CPN1: variants seen among roughly 807,000 people sequenced by gnomAD.
CPN1 encodes the protein carboxypeptidase N catalytic chain.
Under a neutral mutation model 46.4 loss-of-function variants are expected in CPN1, and 37 were observed. The observed-to-expected ratio is 0.80, with a 90% confidence interval of 0.61 to 1.05. CPN1 has a LOEUF of 1.05. CPN1 is among the 50% of genes least tolerant of loss of function. The probability of loss-of-function intolerance (pLI) is 0.00; values close to 1 mark genes in which losing one functional copy is unlikely to be tolerated. For missense variants in CPN1, 563 were observed against 602.6 expected (o/e 0.93, Z 0.69); for synonymous variants, 224 against 235.4 (o/e 0.95, Z 0.44).
Position 100,065,234 on chromosome 10 carries a change from C to G in CPN1, c.713G>C (p.Arg238Pro), listed in dbSNP as rs1227290902. The G allele has an allele frequency of 3.1e-6, 5 of 1,614,048 alleles. No homozygotes were observed. Among genetic ancestry groups the G allele is most frequent in the Non-Finnish European group, 4.2e-6 (5 of 1,179,980 alleles). ...KSFEHRVRGV[R>P]RTASTPTPDD... The stretch of plus-strand genomic sequence containing the variant: ...AGGCGTGGGGGTGCTGGCGGTGCGG[C>G]GGACCCCTCGGACCCGGTGCTCAAA... The change falls in exon 4 of 9, where the codon CGC (arginine) becomes CCC (proline). Residue 238 changes from arginine to proline, a missense_variant. Coordinates refer to ENST00000370418, the MANE Select transcript of CPN1 (RefSeq NM_001308.3).
chr10:100,045,849 AG>A (rs2041304582), intron 8 of CPN1, among the ~76,000 whole-genome samples: 1 of 152,190 alleles, frequency 6.6e-6, no homozygotes, highest in Admixed American at 6.5e-5. Flanking sequence ...TTGTGTTAAT[AG>A]GGAAAGGTGG....
In CPN1 at chr10:100,063,655, T is replaced by G. The variant is rs779517041; in HGVS notation, c.830A>C (p.Asp277Ala). ...QGWNCGDYFP[D>A]GITNGASWYS... Reference sequence around the variant, plus strand: ...CCAGGAAGCCCCATTGGTGATGCCATCTGGGAAGTAATCTCCGCAGTTCCA... The same window carrying G: ...CCAGGAAGCCCCATTGGTGATGCCAGCTGGGAAGTAATCTCCGCAGTTCCA... Residue 277 changes from aspartate to alanine, a missense_variant, in exon 5 of 9, where the codon GAT (aspartate) becomes GCT (alanine). Physicochemically the swap from Asp to Ala is moderately radical, Grantham distance 126. Coordinates refer to ENST00000370418, the MANE Select transcript of CPN1 (RefSeq NM_001308.3). 3.4e-5 allele frequency: 55 copies of G among 1,613,896 alleles called. No individual in the cohort carries two copies. Among genetic ancestry groups the G allele is most frequent in the Non-Finnish European group, 4.6e-5 (54 of 1,179,968 alleles).
intron 5 of CPN1, among the ~76,000 whole-genome samples, chr10:100,059,568 T>A (rs980156089): frequency 1.5e-4 from 22 of 144,260 alleles, no homozygotes; most frequent in Admixed American, 3.6e-4. Flanking sequence ...GATATTACCT[T>A]GAACTTATTA....
At chr10:100,060,332 C>T (rs1315413758) in intron 5 of CPN1, among the ~76,000 whole-genome samples, 4 of 152,136 alleles carry the variant, frequency 2.6e-5, no homozygotes, top group African/African-American at 4.8e-5. Flanking sequence ...GAGGCTGAGG[C>T]GGGCGGATCA....
chr10:100,079,659 A>G (rs1161926959), intron 1 of CPN1, among the ~76,000 whole-genome samples: 1 of 152,234 alleles, frequency 6.6e-6, no homozygotes, highest in Non-Finnish European at 1.5e-5. Flanking sequence ...CCTCCATGCA[A>G]TATTCTGAAT....
At chr10:100,061,104 G>T (rs1039386517) in intron 5 of CPN1, among the ~76,000 whole-genome samples, 2 of 151,944 alleles carry the variant, frequency 1.3e-5, no homozygotes, top group Non-Finnish European at 2.9e-5. Context: ...TGGGGGTGGG[G>T]AGAATGGGGA....
chr10:100,079,251 C>T (rs1039530532), intron 1 of CPN1, among the ~76,000 whole-genome samples: 3 of 152,222 alleles, frequency 2.0e-5, no homozygotes, highest in African/African-American at 2.4e-5. Context: ...CACTAGAATT[C>T]GGGCCCATGA....
At chr10:100,075,805 A>G in intron 2 of CPN1, 106 bp downstream of exon 2, 1 of 1,199,506 alleles carries the variant, frequency 8.3e-7, no homozygotes, top group Non-Finnish European at 1.2e-6. Context: ...TTTTACTTTT[A>G]ACATTTGTGA....
intron 8 of CPN1, among the ~76,000 whole-genome samples, chr10:100,044,714 T>C (rs1011087270): frequency 2.7e-4 from 37 of 138,054 alleles, no homozygotes; most frequent in Non-Finnish European, 4.4e-4. Flanking sequence ...GTAAACAATC[T>C]TTTTTTTTTT....
chr10:100,049,348 T>C (rs981199816), intron 7 of CPN1, among the ~76,000 whole-genome samples: 2 of 150,050 alleles, frequency 1.3e-5, no homozygotes, highest in African/African-American at 4.9e-5. Flanking sequence ...CTGCAACCCC[T>C]ACCTCCTGGG....
In CPN1 at chr10:100,081,524, C is replaced by T; in HGVS notation, c.102G>A (p.Thr34=). The T allele has an allele frequency of 6.2e-7, 1 of 1,614,164 alleles. No homozygotes were observed. The change falls in exon 1 of 9, where the codon ACG becomes ACA. Residue 34 remains threonine (T), a synonymous_variant. Transcript: ENST00000370418. ...GGCATTCGTTTTGCACCTTGTACAG[C>T]GTCCGCACAAGATCATCATAGCGGT... ...RHHRYDDLVR[T]LYKVQNECPG... is the part of the protein sequence containing the mutation.
At chr10:100,073,338 C>A (rs565033397) in intron 2 of CPN1, among the ~76,000 whole-genome samples, 1 of 152,292 alleles carries the variant, frequency 6.6e-6, no homozygotes, top group South Asian at 2.1e-4. Flanking sequence ...GCATAAACAG[C>A]TATGGGCATT....
At chr10:100,066,324 C>T (rs1257315914) in intron 3 of CPN1, among the ~76,000 whole-genome samples, 1 of 152,172 alleles carries the variant, frequency 6.6e-6, no homozygotes, top group East Asian at 1.9e-4. Flanking sequence ...TCTCTCTGGA[C>T]CCTAGAAAAG....
chr10:100,059,885 G>A (rs770311028), intron 5 of CPN1, among the ~76,000 whole-genome samples: 1 of 152,144 alleles, frequency 6.6e-6, no homozygotes, highest in Non-Finnish European at 1.5e-5. Context: ...TGGTATAAAC[G>A]TATAATGGAA....
rs569084235 is a variant in CPN1, at chr10:100,050,691, C to T, written c.1112-1815G>A. On this transcript the variant is annotated intron_variant, in intron 7 of 8. Coordinates refer to ENST00000370418, the MANE Select transcript of CPN1 (RefSeq NM_001308.3). ...CCAGGCTAGAGTGCAGTGGTGCTATCATAGCTCACTGCAACCTTGAACTCC... is the reference window on the plus strand; with the variant it reads ...CCAGGCTAGAGTGCAGTGGTGCTATTATAGCTCACTGCAACCTTGAACTCC... Among the ~76,000 whole-genome samples the T allele has an allele frequency of 2.6e-5, 4 of 152,278 alleles. No homozygotes were observed. In the East Asian group the frequency reaches 7.7e-4, roughly 29 times the overall value.
chr10:100,042,501 C>T lies in CPN1; in HGVS notation c.1303G>A (p.Val435Ile), dbSNP rs781375775. ...GCTTGGGGCTGCACTTTGGCTCTGA[C>T]TCCGTGCCTTCTGCTGGGAGCTCTC... is the stretch of plus-strand genomic sequence containing the variant. ...VRRAPSRRHG[V>I]RAKVQPQARK... The change falls in exon 9 of 9, where the codon GTC (valine) becomes ATC (isoleucine). Residue 435 changes from valine (V) to isoleucine (I), a missense_variant. Val to Ile is a conservative substitution (Grantham distance 29). Coordinates refer to ENST00000370418, the MANE Select transcript of CPN1 (RefSeq NM_001308.3). 1 of 1,613,972 alleles carries T rather than the reference C, an allele frequency of 6.2e-7. No individual in the cohort carries two copies. Among genetic ancestry groups the T allele is most frequent in the Admixed American group, 1.7e-5 (1 of 59,994 alleles).
intron 1 of CPN1, among the ~76,000 whole-genome samples, chr10:100,079,539 A>T (rs969779732): frequency 2.0e-5 from 3 of 152,222 alleles, no homozygotes; most frequent in African/African-American, 7.2e-5. Flanking sequence ...AACACTCACG[A>T]GCTTCCACAG....
At chr10:100,077,227 CTTTTTT>C (rs57632037) in intron 1 of CPN1, among the ~76,000 whole-genome samples, 1 of 113,744 alleles carries the variant, frequency 8.8e-6, no homozygotes, top group East Asian at 2.9e-4. Context: ...CCGGTTTTAC[CTTTTTT>C]TTTTTTTTTT....
At chr10:100,066,202 C>T (rs958522977) in intron 3 of CPN1, among the ~76,000 whole-genome samples, 4 of 152,136 alleles carry the variant, frequency 2.6e-5, no homozygotes, top group African/African-American at 7.2e-5. Context: ...GTGCCCATCT[C>T]CACCTCCCAA....
Sources: allele counts gnomAD v4.1 joint callset (sites outside exome capture counted in the v4.1 genomes callset), GRCh38; gene constraint gnomAD v4.1.1; transcripts MANE v1.5; gene names NCBI Gene and HGNC (gene_info 2026-07-23, HGNC 2026-07-21).